ALDH4A1: variants seen among roughly 807,000 people sequenced by gnomAD.
ALDH4A1 encodes the protein aldehyde dehydrogenase 4 family member A1.
In ALDH4A1, 46 loss-of-function variants were observed where a neutral mutation model predicts 70.5. The observed-to-expected ratio is 0.65, with a 90% confidence interval of 0.51 to 0.83. The LOEUF (loss-of-function observed/expected upper bound fraction) is 0.83. ALDH4A1 is among the 40% of genes least tolerant of loss of function. The pLI is 0.00. For synonymous variants in ALDH4A1, 323 were observed against 324.3 expected, an observed-to-expected ratio of 1.00 and a Z score of 0.04; for missense variants, 749 against 766.5, an observed-to-expected ratio of 0.98 and a Z score of 0.27.
At position 18,877,316 on chromosome 1, in the gene ALDH4A1, C is replaced by G. The variant is rs572502588; in HGVS notation, c.1138-61G>C. ...CTGCAGGCCGAGACCAAGGGAGACC[C>G]CTCCCCGCACACCCCAGCCCCGGCT... On this transcript the variant is annotated intron_variant, in intron 10 of 14. Transcript: ENST00000375341. The G allele has an allele frequency of 6.5e-5, 102 of 1,564,016 alleles. No individual in the cohort carries two copies. The African/African-American group carries it at 1.0e-3, about 15-fold the overall frequency.
intron 1 of ALDH4A1, chr1:18,890,934 G>C: frequency 1.0e-6 from 1 of 980,240 alleles, no homozygotes; most frequent in Non-Finnish European, 1.2e-6. Flanking sequence ...TCCAAGATGT[G>C]GACCATGAAC....
At chr1:18,885,668 C>T (rs1464921042) in intron 4 of ALDH4A1, 40 bp from the exon 5 acceptor site, 11 of 1,612,642 alleles carry the variant, frequency 6.8e-6, no homozygotes, top group Middle Eastern at 1.7e-4. Context: ...CCACCTGCAG[C>T]GGGAAAGGCC....
In ALDH4A1 at chr1:18,898,609, A is replaced by ATGGT; in HGVS notation, c.62+3852_62+3853insACCA. Among the ~76,000 whole-genome samples the ATGGT allele has an allele frequency of 6.6e-6, 1 of 152,144 alleles. No individual in the cohort carries two copies. Among genetic ancestry groups the ATGGT allele is most frequent in the Non-Finnish European group, 1.5e-5 (1 of 68,020 alleles). ...CTTTCCATGTATGAGACCATTTAAC[A>ATGGT]CGCAGGACAATCCTATGAGGTGACT... On this transcript the variant is annotated intron_variant, in intron 1 of 14. Coordinates refer to ENST00000375341, the MANE Select transcript of ALDH4A1 (RefSeq NM_003748.4). The surrounding 1 kb of genome is among the most constrained non-coding windows in gnomAD (Gnocchi z 4.3).
At chr1:18,893,826 T>C (rs1210540087) in intron 1 of ALDH4A1, among the ~76,000 whole-genome samples, 12 of 152,160 alleles carry the variant, frequency 7.9e-5, no homozygotes, top group Admixed American at 6.5e-5. Context: ...TATTTTAATA[T>C]AAATTTTTGG....
chr1:18,890,143 A>G (rs941784515), intron 1 of ALDH4A1, 38 bp from the exon 2 acceptor site: 1 of 1,545,976 alleles, frequency 6.5e-7, no homozygotes, highest in Non-Finnish European at 8.9e-7. Flanking sequence ...CAGAGAGGTC[A>G]GCAGCGGCCC....
intron 11 of ALDH4A1, 101 bp downstream of exon 11, chr1:18,877,107 T>C (rs1161334120): frequency 1.4e-6 from 2 of 1,442,530 alleles, no homozygotes; most frequent in Admixed American, 2.0e-5. Flanking sequence ...GCAGTGGGGC[T>C]GGGTCATGCC....
At position 18,885,596 on chromosome 1, in the gene ALDH4A1, C is replaced by T. The variant is rs774728356; in HGVS notation, c.330G>A (p.Leu110=). The T allele has an allele frequency of 1.2e-6, 2 of 1,613,896 alleles. No homozygotes were observed. The highest frequency in any genetic ancestry group is 2.7e-5 in the African/African-American group (2 of 74,910). ...TCAGGTCCCACTCTTTCCGGGCAGC[C>T]AGGGCAGCCTCAATGGCTTTGTTGA... ...SLLNKAIEAA[L]AARKEWDLKP... Residue 110 remains leucine (L), a synonymous_variant, in exon 5 of 15, where the codon CTG becomes CTA. Transcript: ENST00000375341.
chr1:18,894,104 G>A (rs992024306), intron 1 of ALDH4A1, among the ~76,000 whole-genome samples: 3 of 152,304 alleles, frequency 2.0e-5, no homozygotes, highest in African/African-American at 7.2e-5. Flanking sequence ...AAACTGTAAA[G>A]GTCTCAGAAT....
intron 7 of ALDH4A1, chr1:18,882,432 G>A: frequency 2.3e-6 from 1 of 432,758 alleles, no homozygotes; most frequent in South Asian, 1.7e-5. Context: ...CACCCAGGCT[G>A]TCTGGGAGCT....
rs911893862 is a variant in ALDH4A1 at position 18,880,252 on chromosome 1, G to C, written c.867-879C>G. On this transcript the variant is annotated intron_variant, in intron 8 of 14. Coordinates refer to ENST00000375341, the MANE Select transcript of ALDH4A1 (RefSeq NM_003748.4). This position sits in a 1 kb window ranked among gnomAD's most constrained non-coding sequence, Gnocchi z 5.1. ...AGAAGGACCCTGAGCTGCAGACCCG[G>C]GCGTCTGGCTGCCTCCAGGCATCTC... 2.6e-3 allele frequency among the ~76,000 whole-genome samples: 4 copies of C among 1,510 alleles called. No homozygotes were observed. The highest frequency in any genetic ancestry group is 0.071 in the South Asian group (1 of 14). 1.0% of individuals were successfully genotyped at this position (1,510 alleles called of 152,430 possible). A position where few individuals can be genotyped will look rare whatever the true frequency, so the allele number is the denominator to read the frequency against.
chr1:18,876,648 A>G (rs1485971555), intron 11 of ALDH4A1, among the ~76,000 whole-genome samples, 181 bp from the exon 12 acceptor site: 2 of 18,538 alleles, frequency 1.1e-4, no homozygotes. Context: ...AGAGACAAGG[A>G]CAGACATGAA....
At chr1:18,882,788 G>A in intron 7 of ALDH4A1, 1 of 592,538 alleles carries the variant, frequency 1.7e-6, no homozygotes, top group Non-Finnish European at 3.2e-6. Context: ...CACTCAGCCA[G>A]CTCCGGGCCA....
At chr1:18,883,498 G>C in intron 5 of ALDH4A1, 70 bp from the exon 6 acceptor site, 1 of 1,601,570 alleles carries the variant, frequency 6.2e-7, no homozygotes, top group Non-Finnish European at 8.5e-7. Context: ...CACATCTGAC[G>C]CTGTGCCCAA....
At chr1:18,885,960 C>T (rs1935185916) in intron 4 of ALDH4A1, among the ~76,000 whole-genome samples, 1 of 152,210 alleles carries the variant, frequency 6.6e-6, no homozygotes, top group South Asian at 2.1e-4. Context: ...TGCCCCTTAA[C>T]CCACCATCCA....
Position 18,873,227 on chromosome 1 carries a change from G to A in ALDH4A1, c.1580-270C>T, listed in dbSNP as rs138908366. On this transcript the variant is annotated intron_variant, in intron 14 of 14. Transcript: ENST00000375341. ...GAGGATGTCTAAGAGGCAGGGTGTGGCGTGGAGAGAACACTAGACTGAGAG... is the reference window on the plus strand; with the variant it reads ...GAGGATGTCTAAGAGGCAGGGTGTGACGTGGAGAGAACACTAGACTGAGAG... Among the ~76,000 whole-genome samples, 99 of 152,266 alleles carry A rather than the reference G, an allele frequency of 6.5e-4. No individual in the cohort carries two copies. The East Asian group carries it at 0.014, about 21-fold the overall frequency.
chr1:18,873,744 T>C lies in ALDH4A1; in HGVS notation c.1579+719A>G, dbSNP rs144743484. Among the ~76,000 whole-genome samples, 20 of 152,318 alleles carry C rather than the reference T, an allele frequency of 1.3e-4. 1 individual carries two copies. In the East Asian group the frequency reaches 3.5e-3, roughly 26 times the overall value. Reference sequence around the variant, plus strand: ...GTCTGCGCATCTGGCTGTTCATCTGTATCCTTTAAAATACCCTCTGCAATA... The same window carrying C: ...GTCTGCGCATCTGGCTGTTCATCTGCATCCTTTAAAATACCCTCTGCAATA... On this transcript the variant is annotated intron_variant, in intron 14 of 14. Transcript: ENST00000375341.
chr1:18,876,300 G>A lies in ALDH4A1; in HGVS notation c.1338+15C>T, dbSNP rs1267548476. ...ATTGTCCTCCTCTGGACCCCAGGCTGCCCACCCCAGTCACCTCCTTCATGA... is the reference window on the plus strand; with the variant it reads ...ATTGTCCTCCTCTGGACCCCAGGCTACCCACCCCAGTCACCTCCTTCATGA... On this transcript the variant is annotated intron_variant, in intron 12 of 14. Transcript: ENST00000375341. The A allele has an allele frequency of 1.2e-6, 2 of 1,613,134 alleles. No individual in the cohort carries two copies. The highest frequency in any genetic ancestry group is 4.5e-5 in the East Asian group (2 of 44,866).
rs527456752 is a variant in ALDH4A1 at position 18,898,076 on chromosome 1, G to A, written c.62+4386C>T. ...CACGCCTATAATCCCAGCACTTTGG[G>A]AGGCTGAGGCAGGAGGATCACTTCA... On this transcript the variant is annotated intron_variant, in intron 1 of 14. Transcript: ENST00000375341. This position sits in a 1 kb window ranked among gnomAD's most constrained non-coding sequence, Gnocchi z 4.3. 6.6e-6 allele frequency among the ~76,000 whole-genome samples: 1 copy of A among 152,278 alleles called. No homozygotes were observed. Among genetic ancestry groups the A allele is most frequent in the South Asian group, 2.1e-4 (1 of 4,828 alleles).
chr1:18,885,369 C>G, intron 5 of ALDH4A1, 104 bp downstream of exon 5: 1 of 1,253,204 alleles, frequency 8.0e-7, no homozygotes, highest in Non-Finnish European at 1.1e-6. Context: ...CCCAAAAGGG[C>G]TTAGGACCCA....
Sources: gnomAD v4.1 joint callset for allele counts (sites outside exome capture counted in the v4.1 genomes callset) on GRCh38, gnomAD v4.1.1 for gene constraint, Gnocchi (gnomAD v3.1) non-coding constraint, MANE v1.5 for transcripts, NCBI Gene and HGNC (gene_info 2026-07-23, HGNC 2026-07-21) for gene names.